Variants in TDRD12 observed in about 807,000 individuals in gnomAD.
TDRD12 encodes putative ATP-dependent RNA helicase TDRD12.
A neutral mutation model predicts 133.5 loss-of-function variants in TDRD12; 158 were observed. That is an observed-to-expected ratio of 1.18 (90% CI 1.04 to 1.35). The LOEUF (loss-of-function observed/expected upper bound fraction) is 1.35. TDRD12 is among the 40% of genes most tolerant of loss of function. The pLI is 0.00. For missense variants in TDRD12, 1,443 were observed against 1,321.3 expected (o/e 1.09, Z -1.43); for synonymous variants, 460 against 477.9 (o/e 0.96, Z 0.49).
rs576116489 is a variant in TDRD12 at position 32,764,876 on chromosome 19, A to G, written c.865+7746A>G. 2.1e-3 allele frequency among the ~76,000 whole-genome samples: 314 copies of G among 152,118 alleles called. 2 individuals are homozygous for G. Among genetic ancestry groups the G allele is most frequent in the African/African-American group, 7.3e-3 (304 of 41,582 alleles). On this transcript the variant is annotated intron_variant, in intron 8 of 27. Transcript: ENST00000444215. Reference sequence around the variant, plus strand: ...CCAAAAGCAATGGCAACAAAAGCCAAAATTGACAAATGGGATCTAATTAAA... The same window carrying G: ...CCAAAAGCAATGGCAACAAAAGCCAGAATTGACAAATGGGATCTAATTAAA...
chr19:32,724,176 A>G (rs2145409813), intron 1 of TDRD12, among the ~76,000 whole-genome samples: 1 of 152,286 alleles, frequency 6.6e-6, no homozygotes, highest in South Asian at 2.1e-4. Flanking sequence ...GTAATTTTAA[A>G]TTTCCAATTT....
At chr19:32,818,505 C>T (rs920206045) in intron 27 of TDRD12, among the ~76,000 whole-genome samples, 4 of 152,228 alleles carry the variant, frequency 2.6e-5, no homozygotes, top group Non-Finnish European at 5.9e-5. Context: ...GGGGACAAGA[C>T]TGTGCCAGGA....
At position 32,799,385 on chromosome 19, in the gene TDRD12, A is replaced by T. The variant is rs1345883231; in HGVS notation, c.1759-782A>T. 2.0e-5 allele frequency among the ~76,000 whole-genome samples: 3 copies of T among 152,174 alleles called. No homozygotes were observed. In the East Asian group the frequency reaches 5.8e-4, roughly 29 times the overall value. ...TGCAGGCTCTCCACACCCCTGCCAG[A>T]GCAGGCTTGCCCCAGTTTTCTCCTC... On this transcript the variant is annotated intron_variant, in intron 16 of 27. Transcript: ENST00000444215.
rs1277568365 is a variant in TDRD12, at chr19:32,811,240, A to G, written c.2868A>G (p.Glu956=). Reference sequence around the variant, plus strand: ...AGGTGTTGGAAGTGAACCAAAAAGAAGACGCCTGGGCCCTGGATGACATCC... The same window carrying G: ...AGGTGTTGGAAGTGAACCAAAAAGAGGACGCCTGGGCCCTGGATGACATCC... The change falls in exon 24 of 28, where the codon GAA becomes GAG. Residue 956 remains glutamate, a synonymous_variant. Coordinates refer to ENST00000444215, the Ensembl canonical transcript of TDRD12. The G allele has an allele frequency of 5.2e-6, 8 of 1,535,970 alleles. No individual in the cohort carries two copies. In the African/African-American group the frequency reaches 1.1e-4, roughly 21 times the overall value.
chr19:32,771,862 C>T (rs936453030), intron 8 of TDRD12, among the ~76,000 whole-genome samples: 4 of 152,140 alleles, frequency 2.6e-5, no homozygotes, highest in African/African-American at 9.7e-5. Flanking sequence ...TCTAGTGCTG[C>T]TGCTTATTTC....
intron 11 of TDRD12, among the ~76,000 whole-genome samples, chr19:32,780,944 C>CTTT (rs11383637): frequency 1.4e-4 from 18 of 126,758 alleles, no homozygotes; most frequent in East Asian, 4.7e-4. Flanking sequence ...TTTAATCTAT[C>CTTT]TTTTTTTTTT....
downstream of TDRD12, chr19:32,821,402 G>GTA (rs1398061905): frequency 7.3e-5 from 13 of 178,706 alleles, no homozygotes; most frequent in East Asian, 2.6e-3. Flanking sequence ...GTGTGTGTGT[G>GTA]TGTGTGTGCG....
At chr19:32,753,529 G>A (rs1414993618) in intron 6 of TDRD12, among the ~76,000 whole-genome samples, 1 of 151,128 alleles carries the variant, frequency 6.6e-6, no homozygotes, top group Non-Finnish European at 1.5e-5. Flanking sequence ...TTCCTGAAAC[G>A]GAGTCTTGCT....
intron 26 of TDRD12, among the ~76,000 whole-genome samples, chr19:32,816,648 G>C (rs1270035976): frequency 6.6e-6 from 1 of 152,166 alleles, no homozygotes; most frequent in Non-Finnish European, 1.5e-5. Context: ...CTGACGGAAT[G>C]GGATTACTGA....
At chr19:32,740,704 G>C (rs980092068) in intron 3 of TDRD12, among the ~76,000 whole-genome samples, 2 of 152,202 alleles carry the variant, frequency 1.3e-5, no homozygotes, top group Non-Finnish European at 2.9e-5. Flanking sequence ...AGGAGGTAGA[G>C]AGAAACGCCT....
chr19:32,818,048 A>G (rs1265201193), intron 26 of TDRD12, 41 bp from the exon 27 acceptor site: 1 of 702,190 alleles, frequency 1.4e-6, no homozygotes, highest in Non-Finnish European at 2.6e-6. Flanking sequence ...CCACAGATGC[A>G]CATGATTATT....
At chr19:32,808,069 T>G (rs1049120353) in intron 22 of TDRD12, among the ~76,000 whole-genome samples, 4 of 152,138 alleles carry the variant, frequency 2.6e-5, no homozygotes, top group Non-Finnish European at 5.9e-5. Flanking sequence ...ACAAACAGAT[T>G]TTTTAAAAAA....
chr19:32,766,857 C>T (rs955379302), intron 8 of TDRD12, among the ~76,000 whole-genome samples: 40 of 152,068 alleles, frequency 2.6e-4, no homozygotes, highest in Middle Eastern at 3.4e-3. Flanking sequence ...TTAAGTGATC[C>T]GCTGGCCTCA....
intron 8 of TDRD12, 39 bp from the exon 9 acceptor site, chr19:32,772,714 T>C: frequency 8.0e-7 from 1 of 1,252,132 alleles, no homozygotes; most frequent in East Asian, 2.7e-5. Context: ...TAATATCACT[T>C]TTTGGTGTAG....
intron 3 of TDRD12, among the ~76,000 whole-genome samples, chr19:32,740,343 CTCTGCATCTCCTGGGTGCTG>C (rs1568451334): frequency 2.5e-4 from 34 of 138,118 alleles, no homozygotes; most frequent in Admixed American, 4.4e-4. Context: ...CCTGGGTGCT[CTCTGCATCTCCTGGGTGCTG>C]TCTGCATCTC....
At chr19:32,811,932 G>A (rs551463511) in intron 24 of TDRD12, among the ~76,000 whole-genome samples, 2 of 152,342 alleles carry the variant, frequency 1.3e-5, no homozygotes, top group South Asian at 4.1e-4. Context: ...CAGCCAAAGA[G>A]GGGGCACAAT....
chr19:32,739,981 G>C (rs36107307), intron 3 of TDRD12, among the ~76,000 whole-genome samples: 47,842 of 89,432 alleles, frequency 0.53, 12,052 homozygotes, highest in East Asian at 0.67. Context: ...CCTGGGTGCT[G>C]TCTGCATCTC....
At chr19:32,786,751 C>T (rs558512395) in intron 11 of TDRD12, among the ~76,000 whole-genome samples, 4 of 152,230 alleles carry the variant, frequency 2.6e-5, no homozygotes, top group East Asian at 1.9e-4. Context: ...ACGAAGTTCC[C>T]GTACTGTGGT....
At chr19:32,763,998 T>C (rs76353221) in intron 8 of TDRD12, among the ~76,000 whole-genome samples, 9,803 of 152,186 alleles carry the variant, frequency 0.064, 539 homozygotes, top group East Asian at 0.23. Context: ...ATCAAGCTTT[T>C]TACATGCTCG....
Sources: gnomAD v4.1 joint callset for allele counts (sites outside exome capture counted in the v4.1 genomes callset) on GRCh38, gnomAD v4.1.1 for gene constraint, MANE v1.5 for transcripts, NCBI Gene and HGNC (gene_info 2026-07-23, HGNC 2026-07-21) for gene names.